Variants in YJU2B observed in about 807,000 individuals in gnomAD.
YJU2B encodes the protein YJU2 splicing factor homolog B.
A neutral mutation model predicts 38.0 loss-of-function variants in YJU2B; 18 were observed. The ratio of observed to expected loss-of-function variants is 0.47; its 90% CI spans 0.33 to 0.70. The LOEUF is 0.70. Among genes scored for constraint, YJU2B ranks in the 30% least tolerant of loss-of-function variants. YJU2B has a pLI of 0.02. For synonymous variants in YJU2B, 246 were observed against 225.4 expected, an observed-to-expected ratio of 1.09 and a Z score of -0.82; for missense variants, 538 against 556.3, an observed-to-expected ratio of 0.97 and a Z score of 0.33.
intron 4 of YJU2B, 47 bp from the exon 5 acceptor site, chr19:13,757,371 A>G (rs1258057249): frequency 1.3e-6 from 2 of 1,532,674 alleles, no homozygotes; most frequent in Non-Finnish European, 1.8e-6. Context: ...AGACCCAGGG[A>G]GTGTCCAAGT....
chr19:13,744,198 G>A (rs997855190), upstream of YJU2B, among the ~76,000 whole-genome samples: 9 of 151,474 alleles, frequency 5.9e-5, no homozygotes, highest in African/African-American at 2.2e-4. Context: ...AAAAAAAAAA[G>A]AAAAGAAAAA....
In YJU2B at chr19:13,759,276, A is replaced by AG. The variant is rs1298337021; in HGVS notation, c.573+10dup. ...CATGCTGCGGAGAAGGTTCCGGGTG[A>AG]GGGGGGCTCCAGCCCGGGGTCAGAG... On this transcript the variant is annotated splice_donor_region_variant and intron_variant, in intron 8 of 9. Coordinates refer to ENST00000221554, the MANE Select transcript of YJU2B (RefSeq NM_030818.4). 4 of 1,598,690 alleles carry AG rather than the reference A, an allele frequency of 2.5e-6. No individual in the cohort carries two copies. Among genetic ancestry groups the AG allele is most frequent in the African/African-American group, 1.3e-5 (1 of 74,536 alleles).
At chr19:13,754,433 T>C in intron 3 of YJU2B, 91 bp downstream of exon 3, 1 of 1,104,718 alleles carries the variant, frequency 9.1e-7, no homozygotes, top group Non-Finnish European at 1.4e-6. Flanking sequence ...GAAGGATGGG[T>C]GGCCCCCAAG....
In YJU2B at chr19:13,751,828, G is replaced by C. The variant is rs201284571; in HGVS notation, c.3+17G>C. On this transcript the variant is annotated intron_variant, in intron 2 of 9. Coordinates refer to ENST00000221554, the MANE Select transcript of YJU2B (RefSeq NM_030818.4). ...CCCAAGATGGTGAGTAGACAGCCTC[G>C]TGTGCCCTGGGTTTCTCTCCCAGTC... 5.0e-6 allele frequency: 8 copies of C among 1,613,698 alleles called. No homozygotes were observed. The highest frequency in any genetic ancestry group is 1.7e-5 in the Admixed American group (1 of 59,996).
intron 2 of YJU2B, among the ~76,000 whole-genome samples, chr19:13,735,067 G>A (rs1031670359): frequency 3.9e-5 from 6 of 152,186 alleles, no homozygotes; most frequent in Non-Finnish European, 7.3e-5. Flanking sequence ...CTGTAATCCA[G>A]CACTTTGGGA....
At chr19:13,759,474 A>G (rs1342311623) in intron 8 of YJU2B, 3 of 534,332 alleles carry the variant, frequency 5.6e-6, no homozygotes, top group Non-Finnish European at 9.7e-6. Context: ...CAGAAACAGT[A>G]GAAATTTGGC....
Position 13,750,561 on chromosome 19 carries a change from A to G in YJU2B, c.-201-1047A>G, listed in dbSNP as rs1973418539. ...CTTTGATGGATATGATATGTAGGTC[A>G]AGACCTGTGACAGGGGGCTGGGTGC... is the stretch of plus-strand genomic sequence containing the variant. On this transcript the variant is annotated intron_variant, in intron 1 of 9. Coordinates refer to ENST00000221554, the MANE Select transcript of YJU2B (RefSeq NM_030818.4). Among the ~76,000 whole-genome samples, 3 of 151,798 alleles carry G rather than the reference A, an allele frequency of 2.0e-5. No individual in the cohort carries two copies. The Admixed American group carries it at 2.0e-4, about 10-fold the overall frequency.
chr19:13,731,963 G>A (rs1324670258), intron 1 of YJU2B: 1 of 152,256 alleles, frequency 6.6e-6, no homozygotes, highest in Non-Finnish European at 1.5e-5. Context: ...TTGAGATCAT[G>A]GTCCAGTTCT....
At position 13,748,509 on chromosome 19, in the gene YJU2B, T is replaced by A. The variant is rs186085256; in HGVS notation, c.-202+555T>A. Among the ~76,000 whole-genome samples the A allele has an allele frequency of 2.0e-5, 3 of 152,124 alleles. No homozygotes were observed. In the South Asian group the frequency reaches 6.2e-4, roughly 32 times the overall value. On this transcript the variant is annotated intron_variant, in intron 1 of 9. Transcript: ENST00000221554. ...ACTTTTGCACCAAGGACCGGAGATA[T>A]CTACACGCCCACCCGATAGCCCCGT...
At chr19:13,760,105 T>G (rs760170732) in intron 8 of YJU2B, among the ~76,000 whole-genome samples, 5 of 151,654 alleles carry the variant, frequency 3.3e-5, no homozygotes, top group Non-Finnish European at 7.4e-5. Flanking sequence ...TTGTGTATTT[T>G]TAGTAGAGGC....
chr19:13,734,318 G>A (rs558565278), intron 2 of YJU2B, among the ~76,000 whole-genome samples: 22 of 150,324 alleles, frequency 1.5e-4, no homozygotes, highest in Non-Finnish European at 2.4e-4. Context: ...TTGAGATGGA[G>A]TCTCGTTCTG....
At chr19:13,751,884 C>T in intron 2 of YJU2B, 73 bp downstream of exon 2, 1 of 1,413,118 alleles carries the variant, frequency 7.1e-7, no homozygotes, top group East Asian at 2.3e-5. Context: ...GCCCCTCCTC[C>T]CCTCCCAGAG....
chr19:13,743,651 G>C (rs1973153760), upstream of YJU2B, among the ~76,000 whole-genome samples: 1 of 144,314 alleles, frequency 6.9e-6, no homozygotes, highest in Non-Finnish European at 1.5e-5. Flanking sequence ...CCAACACTTT[G>C]GGAGGCCAAG....
intron 6 of YJU2B, among the ~76,000 whole-genome samples, 175 bp from the exon 7 acceptor site, chr19:13,758,693 G>A (rs542954362): frequency 6.6e-5 from 10 of 152,376 alleles, no homozygotes; most frequent in East Asian, 1.9e-4. Flanking sequence ...CAGAAGGTCC[G>A]TTCTGGGTGC....
In YJU2B at chr19:13,762,701, T is replaced by C. The variant is rs776376202; in HGVS notation, c.824T>C (p.Leu275Pro). 23 of 1,605,166 alleles carry C rather than the reference T, an allele frequency of 1.4e-5. No individual in the cohort carries two copies. Among genetic ancestry groups the C allele is most frequent in the East Asian group, 1.1e-4 (5 of 44,858 alleles). Residue 275 changes from leucine (L) to proline (P), a missense_variant, in exon 10 of 10, where the codon CTG (leucine) becomes CCG (proline). Coordinates refer to ENST00000221554, the MANE Select transcript of YJU2B (RefSeq NM_030818.4). The part of the protein sequence containing the change: ...SSKVSGVLKK[L>P]AQSRRTALAT... ...AAGGTCAGCGGCGTCCTGAAGAAGC[T>C]GGCACAGAGCCGCAGAACCGCGCTT...
At chr19:13,756,613 C>T (rs1437562145) in intron 4 of YJU2B, among the ~76,000 whole-genome samples, 2 of 152,074 alleles carry the variant, frequency 1.3e-5, no homozygotes, top group African/African-American at 4.8e-5. Flanking sequence ...CAGCTGGGCT[C>T]TGCTCCGTGT....
intron 2 of YJU2B, among the ~76,000 whole-genome samples, chr19:13,736,292 T>C (rs1196095080): frequency 7.1e-6 from 1 of 141,020 alleles, no homozygotes; most frequent in Non-Finnish European, 1.5e-5. Flanking sequence ...GGAGTTTGAC[T>C]CTGTCGCTCA....
At chr19:13,740,640 A>G (rs192762028) in intron 2 of YJU2B, among the ~76,000 whole-genome samples, 1 of 152,108 alleles carries the variant, frequency 6.6e-6, no homozygotes, top group East Asian at 1.9e-4. Flanking sequence ...GAGTTCAAGC[A>G]ATTCTCCTGC....
chr19:13,762,436 C>T lies in YJU2B; in HGVS notation c.711C>T (p.Asp237=), dbSNP rs1243147584. The T allele has an allele frequency of 7.4e-6, 12 of 1,612,486 alleles. No individual in the cohort carries two copies. The highest frequency in any genetic ancestry group is 1.0e-5 in the Non-Finnish European group (12 of 1,179,850). The change falls in exon 9 of 10, where the codon GAC becomes GAT. Residue 237 remains aspartate, a splice_region_variant and synonymous_variant. Transcript: ENST00000221554. ...LAALLKFHTL[D]SYEDKQKLKR... ...CTCTGCTGAAGTTCCACACCCTGGACTGTGCGTAGGAGGCCAGGGGGAAAA... is the reference window on the plus strand; with the variant it reads ...CTCTGCTGAAGTTCCACACCCTGGATTGTGCGTAGGAGGCCAGGGGGAAAA...
Sources: allele counts gnomAD v4.1 joint callset (sites outside exome capture counted in the v4.1 genomes callset), GRCh38; gene constraint gnomAD v4.1.1; transcripts MANE v1.5; gene names NCBI Gene and HGNC (gene_info 2026-07-23, HGNC 2026-07-21).